The following LYPD6 variants were observed in gnomAD, a reference collection of about 807,000 sequenced individuals.
LYPD6 encodes the protein LY6/PLAUR domain containing 6, also known as ly6/PLAUR domain-containing protein 6.
In LYPD6, 15 loss-of-function variants were observed where a neutral mutation model predicts 22.7. The ratio of observed to expected loss-of-function variants is 0.66; its 90% CI spans 0.44 to 1.02. The LOEUF is 1.02. Ranked by LOEUF, LYPD6 falls within the 50% of genes least tolerant of loss-of-function variation. The pLI is 0.00. For missense variants in LYPD6, 189 were observed against 208.4 expected (o/e 0.91, Z 0.57); for synonymous variants, 72 against 77.5 (o/e 0.93, Z 0.37).
chr2:149,362,701 A>G (rs1681594323), intron 1 of LYPD6, among the ~76,000 whole-genome samples: 1 of 152,120 alleles, frequency 6.6e-6, no homozygotes, highest in Non-Finnish European at 1.5e-5. Flanking sequence ...GAGAGTGCAT[A>G]TGAGAGGGTG....
intron 1 of LYPD6, among the ~76,000 whole-genome samples, chr2:149,422,427 G>A (rs549452672): frequency 6.6e-6 from 1 of 151,796 alleles, no homozygotes; most frequent in Non-Finnish European, 1.5e-5. Context: ...ATGGGGCCTG[G>A]GGTCTCTCTG....
chr2:149,344,924 C>CT (rs1451595366), intron 1 of LYPD6, among the ~76,000 whole-genome samples: 2 of 152,114 alleles, frequency 1.3e-5, no homozygotes, highest in Admixed American at 6.6e-5. Context: ...TGTCTTGTGC[C>CT]TATAGTCCAC....
chr2:149,415,630 G>T (rs1682945468), intron 1 of LYPD6, among the ~76,000 whole-genome samples: 1 of 151,762 alleles, frequency 6.6e-6, no homozygotes, highest in South Asian at 2.1e-4. Context: ...AGGAAGGAAA[G>T]AAAGAAGGAA....
the LYPD6 span, among the ~76,000 whole-genome samples, chr2:149,479,621 T>A: frequency 6.6e-6 from 1 of 152,152 alleles, no homozygotes; most frequent in Non-Finnish European, 1.5e-5. Context: ...CACTTCCCTC[T>A]ACTTCACCTC....
intron 1 of LYPD6, among the ~76,000 whole-genome samples, chr2:149,403,215 G>A (rs1448982725): frequency 3.3e-5 from 5 of 152,198 alleles, no homozygotes; most frequent in African/African-American, 1.2e-4. Flanking sequence ...CTTTATAGCA[G>A]CATGATTTGT....
At chr2:149,388,742 T>C (rs1011714185) in intron 1 of LYPD6, among the ~76,000 whole-genome samples, 2 of 152,206 alleles carry the variant, frequency 1.3e-5, no homozygotes, top group African/African-American at 2.4e-5. Context: ...TTACACATTC[T>C]TAATTTTGCT....
intron 1 of LYPD6, among the ~76,000 whole-genome samples, chr2:149,416,718 C>G (rs562244215): frequency 2.0e-5 from 3 of 152,100 alleles, no homozygotes; most frequent in Non-Finnish European, 4.4e-5. Flanking sequence ...GTTTTGGGGC[C>G]CATGCCATCT....
chr2:149,391,409 C>A (rs556131099), intron 1 of LYPD6, among the ~76,000 whole-genome samples: 4 of 151,892 alleles, frequency 2.6e-5, no homozygotes, highest in Admixed American at 2.0e-4. Context: ...CCTAAAGAAA[C>A]GCACCTTAAG....
Position 149,364,917 on chromosome 2 carries a change from A to G in LYPD6, c.-72+34195A>G, listed in dbSNP as rs139521102. On this transcript the variant is annotated intron_variant, in intron 1 of 4. Coordinates refer to ENST00000334166, the MANE Select transcript of LYPD6 (RefSeq NM_194317.5). ...TCAGACATTTTTCAGAAGTTTTCAA[A>G]ATCACCCCAGGTGATTTGAAGCTGA... is the stretch of plus-strand genomic sequence containing the variant. Among the ~76,000 whole-genome samples, 4 of 152,224 alleles carry G rather than the reference A, an allele frequency of 2.6e-5. No homozygotes were observed. The East Asian group carries it at 7.7e-4, about 29-fold the overall frequency.
At chr2:149,402,927 G>A (rs1682596218) in intron 1 of LYPD6, among the ~76,000 whole-genome samples, 1 of 136,690 alleles carries the variant, frequency 7.3e-6, no homozygotes, top group African/African-American at 2.8e-5. Flanking sequence ...TCCCCTTCCT[G>A]TGTCCATGTG....
At chr2:149,460,178 A>G (rs935846977) in intron 3 of LYPD6, among the ~76,000 whole-genome samples, 1 of 152,228 alleles carries the variant, frequency 6.6e-6, no homozygotes, top group Non-Finnish European at 1.5e-5. Flanking sequence ...TTGTCTTACC[A>G]TATCAATAAC....
chr2:149,355,650 G>A (rs910542468), intron 1 of LYPD6, among the ~76,000 whole-genome samples: 4 of 152,040 alleles, frequency 2.6e-5, no homozygotes, highest in Admixed American at 6.6e-5. Context: ...GCAAGACAAG[G>A]GACTTGTGTA....
intron 3 of LYPD6, among the ~76,000 whole-genome samples, chr2:149,461,832 A>G (rs186845000): frequency 3.9e-5 from 6 of 152,132 alleles, no homozygotes; most frequent in East Asian, 1.9e-4. Flanking sequence ...ATGTAAAACA[A>G]TTGTCAAAAT....
At chr2:149,479,529 C>T in the LYPD6 span, among the ~76,000 whole-genome samples, 8 of 152,216 alleles carry the variant, frequency 5.3e-5, no homozygotes, top group African/African-American at 1.9e-4. Flanking sequence ...CTCCCAGGCT[C>T]ACCTCGTCTA....
At chr2:149,369,075 G>A (rs554704141) in intron 1 of LYPD6, among the ~76,000 whole-genome samples, 3 of 151,984 alleles carry the variant, frequency 2.0e-5, no homozygotes, top group Admixed American at 2.0e-4. Context: ...GAGAGTATGC[G>A]GACCCAGAGG....
At chr2:149,450,594 T>G (rs1683783431) in intron 3 of LYPD6, among the ~76,000 whole-genome samples, 1 of 152,182 alleles carries the variant, frequency 6.6e-6, no homozygotes, top group African/African-American at 2.4e-5. Flanking sequence ...AAACTAGATA[T>G]CCAGCCGTCT....
chr2:149,397,709 G>A (rs756905276), intron 1 of LYPD6, among the ~76,000 whole-genome samples: 1 of 152,218 alleles, frequency 6.6e-6, no homozygotes, highest in Admixed American at 6.5e-5. Context: ...ATGATGTCTT[G>A]TATGAGTATA....
chr2:149,348,150 A>G (rs1249326984), intron 1 of LYPD6, among the ~76,000 whole-genome samples: 2 of 151,768 alleles, frequency 1.3e-5, no homozygotes, highest in Non-Finnish European at 2.9e-5. Context: ...CTCTTTAAAT[A>G]CCCAAGGGCC....
intron 1 of LYPD6, among the ~76,000 whole-genome samples, chr2:149,432,985 G>A (rs978062150): frequency 1.3e-5 from 2 of 152,102 alleles, no homozygotes; most frequent in Non-Finnish European, 2.9e-5. Flanking sequence ...TCATTAAGAT[G>A]TTTTGAATAT....
Sources: allele counts gnomAD v4.1 joint callset (sites outside exome capture counted in the v4.1 genomes callset), GRCh38; gene constraint gnomAD v4.1.1; transcripts MANE v1.5; gene names NCBI Gene and HGNC (gene_info 2026-07-23, HGNC 2026-07-21).